KLHL29: variants seen among roughly 807,000 people sequenced by gnomAD.
KLHL29 encodes the protein kelch like family member 29, also known as kelch-like protein 29.
In KLHL29, 21 loss-of-function variants were observed where a neutral mutation model predicts 80.4. The ratio of observed to expected loss-of-function variants is 0.26; its 90% CI spans 0.19 to 0.38. KLHL29 has a LOEUF of 0.38. Ranked by LOEUF, KLHL29 falls within the 10% of genes least tolerant of loss-of-function variation. The pLI, the probability that KLHL29 is intolerant of heterozygous loss-of-function variation, is 1.00. For synonymous variants in KLHL29, 511 were observed against 526.8 expected (o/e 0.97, Z 0.41); for missense variants, 867 against 1,223.9 (o/e 0.71, Z 4.35).
chr2:23,667,114 C>T (rs1670574265), intron 5 of KLHL29: 1 of 152,212 alleles, frequency 6.6e-6, no homozygotes, highest in South Asian at 2.1e-4. Context: ...AACCCGGGCA[C>T]TCTGCCCGGG....
chr2:23,451,157 T>TA (rs1663867847), intron 1 of KLHL29, among the ~76,000 whole-genome samples: 1 of 152,208 alleles, frequency 6.6e-6, no homozygotes, highest in Admixed American at 6.5e-5. Context: ...CTACTCCACT[T>TA]ACCTAAAAAC....
intron 5 of KLHL29, among the ~76,000 whole-genome samples, chr2:23,650,782 C>T (rs1670068057): frequency 6.6e-6 from 1 of 152,218 alleles, no homozygotes; most frequent in South Asian, 2.1e-4. Flanking sequence ...ATTTAAACAT[C>T]TGGCATCTGC....
intron 1 of KLHL29, among the ~76,000 whole-genome samples, chr2:23,441,981 G>C (rs1170241805): frequency 6.6e-6 from 1 of 152,160 alleles, no homozygotes; most frequent in East Asian, 1.9e-4. Context: ...GCAGAAAACT[G>C]AGTATGTTAT....
intron 2 of KLHL29, among the ~76,000 whole-genome samples, chr2:23,552,713 G>C (rs952551923): frequency 6.7e-6 from 1 of 149,386 alleles, no homozygotes; most frequent in Non-Finnish European, 1.5e-5. Flanking sequence ...GTGGTCCCCA[G>C]AGTGGAAGCA....
chr2:23,532,632 T>G (rs1312853785), intron 2 of KLHL29: 2 of 456,734 alleles, frequency 4.4e-6, no homozygotes, highest in Admixed American at 2.3e-5. Flanking sequence ...TAAGATTATC[T>G]TAACTTGGGA....
At chr2:23,636,899 G>A (rs542205921) in intron 3 of KLHL29, among the ~76,000 whole-genome samples, 1 of 152,152 alleles carries the variant, frequency 6.6e-6, no homozygotes, top group Admixed American at 6.5e-5. Flanking sequence ...GGAGGCAGGG[G>A]CTGCTCCAGG....
chr2:23,438,764 A>C (rs1355819644), intron 1 of KLHL29, among the ~76,000 whole-genome samples: 1 of 152,062 alleles, frequency 6.6e-6, no homozygotes, highest in East Asian at 1.9e-4. Context: ...ATATTGGTCT[A>C]AAATTCTTTT....
In KLHL29 at chr2:23,695,990, T is replaced by C; in HGVS notation, c.1781T>C (p.Met594Thr). ...ATCGTCTTGGTTGGGGGCCGTCAGA[T>C]GGTGGGGATGACCCAGCGCTCGCTG... ...EVIVLVGGRQ[M>T]VGMTQRSLVA... Residue 594 changes from methionine (M) to threonine (T), a missense_variant, in exon 10 of 14, where the codon ATG becomes ACG. Coordinates refer to ENST00000486442, the MANE Select transcript of KLHL29 (RefSeq NM_052920.2). This position sits in a 1 kb window ranked among gnomAD's most constrained non-coding sequence, Gnocchi z 7.6. 1.3e-6 allele frequency: 2 copies of C among 1,551,608 alleles called. No homozygotes were observed. The highest frequency in any genetic ancestry group is 1.2e-5 in the South Asian group (1 of 84,060).
intron 2 of KLHL29, among the ~76,000 whole-genome samples, chr2:23,528,921 G>A (rs1285013726): frequency 6.6e-6 from 1 of 152,208 alleles, no homozygotes; most frequent in African/African-American, 2.4e-5. Context: ...CTGCAAGTTG[G>A]CTGGGGTAGG....
At chr2:23,511,949 C>T (rs1665785344) in intron 2 of KLHL29, among the ~76,000 whole-genome samples, 1 of 152,118 alleles carries the variant, frequency 6.6e-6, no homozygotes, top group Admixed American at 6.5e-5. Flanking sequence ...TTCCGATACA[C>T]ATATTGATCC....
intron 3 of KLHL29, among the ~76,000 whole-genome samples, chr2:23,633,526 A>C (rs555445727): frequency 6.6e-6 from 1 of 151,424 alleles, no homozygotes; most frequent in African/African-American, 2.4e-5. Context: ...TAAATGACAC[A>C]TTTTATAATA....
At chr2:23,654,697 G>GT (rs1491582702) in intron 5 of KLHL29, among the ~76,000 whole-genome samples, 1 of 93,144 alleles carries the variant, frequency 1.1e-5, no homozygotes, top group East Asian at 3.4e-4. Flanking sequence ...AACAGAGGTT[G>GT]GGGGGGGGGG....
intron 2 of KLHL29, among the ~76,000 whole-genome samples, chr2:23,547,062 C>T (rs1016826290): frequency 6.6e-6 from 1 of 152,194 alleles, no homozygotes; most frequent in African/African-American, 2.4e-5. Context: ...CCTCGTGGAG[C>T]TCCCGCAGAG....
intron 2 of KLHL29, among the ~76,000 whole-genome samples, chr2:23,497,709 G>C (rs527705298): frequency 5.3e-4 from 81 of 152,348 alleles, no homozygotes; most frequent in Non-Finnish European, 9.6e-4. Context: ...CTTTGGAGGA[G>C]AGGGGAATAT....
intron 1 of KLHL29, among the ~76,000 whole-genome samples, chr2:23,469,039 C>T (rs1379803774): frequency 2.0e-5 from 3 of 152,228 alleles, no homozygotes; most frequent in African/African-American, 4.8e-5. Context: ...TCATGGCTCT[C>T]GCCTATTTCT....
intron 2 of KLHL29, among the ~76,000 whole-genome samples, chr2:23,519,548 T>C (rs72613818): frequency 0.064 from 9,794 of 151,966 alleles, 857 homozygotes; most frequent in East Asian, 0.36. Context: ...AGAGGGAGTG[T>C]TGGCATAAAC....
chr2:23,452,174 G>GA (rs35242576), intron 1 of KLHL29, among the ~76,000 whole-genome samples: 27,641 of 146,632 alleles, frequency 0.19, 3,721 homozygotes, highest in African/African-American at 0.38. Flanking sequence ...ACCGTGCCCA[G>GA]AAAAAAAAAT....
intron 5 of KLHL29, among the ~76,000 whole-genome samples, chr2:23,679,571 C>CG (rs1348869448): frequency 2.1e-5 from 3 of 144,630 alleles, no homozygotes; most frequent in Non-Finnish European, 4.7e-5. Flanking sequence ...CACCTCTTGA[C>CG]GGGGGAAGCT....
chr2:23,586,831 T>C (rs893242365), intron 3 of KLHL29, among the ~76,000 whole-genome samples: 2 of 151,818 alleles, frequency 1.3e-5, no homozygotes, highest in African/African-American at 4.9e-5. Context: ...TGTAGTTAGT[T>C]GTCTAAATGC....
Sources: gnomAD v4.1 joint callset for allele counts (sites outside exome capture counted in the v4.1 genomes callset) on GRCh38, gnomAD v4.1.1 for gene constraint, Gnocchi (gnomAD v3.1) non-coding constraint, MANE v1.5 for transcripts, NCBI Gene and HGNC (gene_info 2026-07-23, HGNC 2026-07-21) for gene names.